Variants in EP300 observed in about 807,000 individuals in gnomAD.
The protein encoded by EP300 is EP300 lysine acetyltransferase.
A neutral mutation model predicts 264.0 loss-of-function variants in EP300; 31 were observed. The observed-to-expected ratio is 0.12, with a 90% CI of 0.09 to 0.16. The LOEUF (loss-of-function observed/expected upper bound fraction) is 0.16. Among genes scored for constraint, EP300 ranks in the 10% least tolerant of loss-of-function variants. EP300 has a pLI of 1.00. For missense variants in EP300, 2,766 were observed against 3,052.9 expected (o/e 0.91, Z 2.21); for synonymous variants, 1,340 against 1,045.4 (o/e 1.28, Z -5.44).
intron 13 of EP300, 98 bp from the exon 14 acceptor site, chr22:41,149,663 T>C: frequency 8.0e-7 from 1 of 1,250,968 alleles, no homozygotes; most frequent in Non-Finnish European, 1.1e-6. Flanking sequence ...ACTCTTTGTT[T>C]AATCAGTTTG....
At position 41,149,073 on chromosome 22, in the gene EP300, C is replaced by T. The variant is rs2145735843; in HGVS notation, c.2277C>T (p.Ser759=). 2 of 1,613,632 alleles carry T rather than the reference C, an allele frequency of 1.2e-6. No homozygotes were observed. The highest frequency in any genetic ancestry group is 1.3e-5 in the African/African-American group (1 of 74,844). Residue 759 remains serine, a synonymous_variant, in exon 13 of 31, where the codon TCC becomes TCT. Coordinates refer to ENST00000263253, the MANE Select transcript of EP300 (RefSeq NM_001429.4). ...MGYGPRMQQP[S]NQGQFLPQTQ... is the part of the protein sequence containing the mutation. The stretch of plus-strand genomic sequence containing the variant: ...ATGGGCCTCGTATGCAACAGCCTTC[C>T]AACCAGGGCCAGTTCCTTCCTCAGA...
intron 4 of EP300, among the ~76,000 whole-genome samples, chr22:41,128,474 T>C (rs2145711355): frequency 6.6e-6 from 1 of 152,010 alleles, no homozygotes; most frequent in Admixed American, 6.5e-5. Context: ...AAAAAAACAG[T>C]GTACATATGT....
chr22:41,098,528 C>T (rs901650143), intron 1 of EP300, among the ~76,000 whole-genome samples: 1 of 152,036 alleles, frequency 6.6e-6, no homozygotes, highest in Non-Finnish European at 1.5e-5. Context: ...CCCGCCACCA[C>T]ACCCGGCTAA....
chr22:41,134,926 G>A (rs1485844639), intron 6 of EP300, among the ~76,000 whole-genome samples: 1 of 139,016 alleles, frequency 7.2e-6, no homozygotes, highest in Non-Finnish European at 1.5e-5. Flanking sequence ...TTTTCTTTTT[G>A]AGACAACATC....
intron 1 of EP300, among the ~76,000 whole-genome samples, chr22:41,109,572 A>G (rs756706527): frequency 7.2e-5 from 11 of 152,194 alleles, no homozygotes; most frequent in Admixed American, 2.0e-4. Context: ...TTGAATAACA[A>G]TAGGTAACAT....
intron 21 of EP300, among the ~76,000 whole-genome samples, chr22:41,163,587 A>G (rs577343824): frequency 5.4e-4 from 82 of 151,454 alleles, no homozygotes; most frequent in Non-Finnish European, 1.0e-3. Flanking sequence ...TCTCTACTAC[A>G]AATATATAAA....
chr22:41,099,817 A>G (rs1438585397), intron 1 of EP300, among the ~76,000 whole-genome samples: 2 of 152,236 alleles, frequency 1.3e-5, no homozygotes, highest in Non-Finnish European at 2.9e-5. Context: ...GATAACTGAG[A>G]TGGCTACTAA....
intron 1 of EP300, among the ~76,000 whole-genome samples, chr22:41,115,733 G>A (rs114617091): frequency 6.6e-6 from 1 of 152,142 alleles, no homozygotes; most frequent in Non-Finnish European, 1.5e-5. Flanking sequence ...TTTTGGTAGG[G>A]GTGGTTTGTA....
chr22:41,107,655 G>A (rs1451697480), intron 1 of EP300, among the ~76,000 whole-genome samples: 2 of 151,992 alleles, frequency 1.3e-5, no homozygotes, highest in East Asian at 3.9e-4. Flanking sequence ...ACGTATCATT[G>A]AATTATTTTG....
Position 41,177,057 on chromosome 22 carries a change from C to T in EP300, c.5346C>T (p.Cys1782=), listed in dbSNP as rs747513510. 3.0e-5 allele frequency: 48 copies of T among 1,614,046 alleles called. No individual in the cohort carries two copies. Among genetic ancestry groups the T allele is most frequent in the Middle Eastern group, 3.3e-4 (2 of 6,084 alleles). Residue 1782 remains cysteine, a synonymous_variant, in exon 31 of 31, where the codon TGC becomes TGT. Coordinates refer to ENST00000263253, the MANE Select transcript of EP300 (RefSeq NM_001429.4). ...AAACCAATGGCGGGTGCCCCATCTG[C>T]AAGCAGCTCATTGCCCTCTGCTGCT... ...KRKTNGGCPI[C]KQLIALCCYH...
At chr22:41,169,154 T>C in intron 25 of EP300, 1 of 560,240 alleles carries the variant, frequency 1.8e-6, no homozygotes, top group South Asian at 2.0e-5. Context: ...AGCTTAAATC[T>C]GGATTAAGTA....
chr22:41,116,008 G>C (rs1388688688), intron 1 of EP300, among the ~76,000 whole-genome samples: 1 of 152,152 alleles, frequency 6.6e-6, no homozygotes, highest in Non-Finnish European at 1.5e-5. Context: ...TTTCCATCCT[G>C]AGTTTAGTTT....
intron 18 of EP300, 104 bp downstream of exon 18, chr22:41,157,512 CTTTTT>C (rs1214250106): frequency 7.9e-4 from 351 of 443,800 alleles, no homozygotes; most frequent in African/African-American, 1.9e-3. Flanking sequence ...TTTGACATGG[CTTTTT>C]TTTTTTTTTT....
chr22:41,120,722 T>A (rs1398946199), intron 2 of EP300, among the ~76,000 whole-genome samples: 1 of 152,130 alleles, frequency 6.6e-6, no homozygotes, highest in Non-Finnish European at 1.5e-5. Flanking sequence ...ATGTTTTAAG[T>A]TACTTTTGTT....
At chr22:41,175,855 G>A (rs555064798) in intron 29 of EP300, among the ~76,000 whole-genome samples, 2 of 152,204 alleles carry the variant, frequency 1.3e-5, no homozygotes, top group African/African-American at 2.4e-5. Context: ...AGTCTCAAGA[G>A]ACCAAAGAGG....
chr22:41,106,611 C>G (rs949440910), intron 1 of EP300, among the ~76,000 whole-genome samples: 2 of 152,150 alleles, frequency 1.3e-5, no homozygotes, highest in African/African-American at 4.8e-5. Flanking sequence ...CGTGTCCACT[C>G]TTTAAAAACA....
intron 16 of EP300, among the ~76,000 whole-genome samples, chr22:41,152,761 T>C (rs2059054167): frequency 3.1e-3 from 1 of 324 alleles, no homozygotes; most frequent in South Asian, 0.083. Flanking sequence ...TCTTTTTCTT[T>C]TCTTTTTTGT....
rs1224615373 is a variant in EP300 at position 41,167,610 on chromosome 22, A to G, written c.3875-839A>G. Among the ~76,000 whole-genome samples, 931 of 39,104 alleles carry G rather than the reference A, an allele frequency of 0.024. 77 individuals are homozygous for G. The East Asian group carries it at 0.31, about 13-fold the overall frequency. 25.7% of individuals were successfully genotyped at this position (39,104 alleles called of 152,430 possible). A position where few individuals can be genotyped will look rare whatever the true frequency, so the allele number is the denominator to read the frequency against. ...TATATATATATATATATATATATAT[A>G]TATATATATATATATATATATATAT... is the stretch of plus-strand genomic sequence containing the variant. On this transcript the variant is annotated intron_variant, in intron 23 of 30. Transcript: ENST00000263253.
intron 2 of EP300, among the ~76,000 whole-genome samples, chr22:41,118,057 C>G (rs559626354): frequency 1.3e-5 from 2 of 152,314 alleles, no homozygotes; most frequent in East Asian, 3.9e-4. Context: ...CTCTCTGGCA[C>G]AAGTATTGGA....
Sources: gnomAD v4.1 joint callset for allele counts (sites outside exome capture counted in the v4.1 genomes callset) on GRCh38, gnomAD v4.1.1 for gene constraint, MANE v1.5 for transcripts, NCBI Gene and HGNC (gene_info 2026-07-23, HGNC 2026-07-21) for gene names.